The following DIAPH1 variants were observed in gnomAD, a reference collection of about 807,000 sequenced individuals.
The protein encoded by DIAPH1 is protein diaphanous homolog 1.
DIAPH1 carries 46 observed loss-of-function variants against 140.7 expected under a neutral mutation model. The ratio of observed to expected loss-of-function variants is 0.33; its 90% CI spans 0.26 to 0.42. The LOEUF (loss-of-function observed/expected upper bound fraction) is 0.42. DIAPH1 is among the 10% of genes least tolerant of loss of function. The pLI, the probability that DIAPH1 is intolerant of heterozygous loss-of-function variation, is 1.00. For missense variants in DIAPH1, 1,310 were observed against 1,558.7 expected, an observed-to-expected ratio of 0.84 and a Z score of 2.69; for synonymous variants, 565 against 551.6, an observed-to-expected ratio of 1.02 and a Z score of -0.34.
intron 23 of DIAPH1, 101 bp from the exon 24 acceptor site, chr5:141,527,798 C>T (rs1019052107): frequency 1.5e-6 from 2 of 1,371,624 alleles, no homozygotes; most frequent in African/African-American, 1.5e-5. Flanking sequence ...CAGAGCATAG[C>T]TTCAGTCTAT....
chr5:141,534,463 TTAAAAG>T (rs772538605), intron 18 of DIAPH1, 30 bp from the exon 19 acceptor site: 1 of 1,593,034 alleles, frequency 6.3e-7, no homozygotes, highest in Non-Finnish European at 8.6e-7. Context: ...AAAAGCATGA[TTAAAAG>T]TAAGCCACCT....
chr5:141,524,937 C>T (rs565711384), intron 26 of DIAPH1, among the ~76,000 whole-genome samples: 1 of 152,224 alleles, frequency 6.6e-6, no homozygotes, highest in African/African-American at 2.4e-5. Context: ...GACCTACATT[C>T]CACCCTCATT....
intron 2 of DIAPH1, among the ~76,000 whole-genome samples, chr5:141,587,926 T>C (rs2099897786): frequency 2.0e-5 from 3 of 152,204 alleles, no homozygotes; most frequent in Admixed American, 1.3e-4. Flanking sequence ...TCTCCTTGTT[T>C]GAAAATAACA....
At chr5:141,580,619 G>A in intron 8 of DIAPH1, 125 bp downstream of exon 8, 1 of 958,630 alleles carries the variant, frequency 1.0e-6, no homozygotes, top group East Asian at 2.5e-5. Flanking sequence ...TTCACTTCTG[G>A]GAAGAAACAC....
chr5:141,592,195 T>C (rs953484605), intron 1 of DIAPH1, among the ~76,000 whole-genome samples: 10 of 152,030 alleles, frequency 6.6e-5, no homozygotes, highest in African/African-American at 1.5e-4. Context: ...CTGCATTTCC[T>C]GAGCTAGTCC....
At chr5:141,545,112 C>T (rs72790094) in intron 18 of DIAPH1, among the ~76,000 whole-genome samples, 5 of 152,076 alleles carry the variant, frequency 3.3e-5, no homozygotes, top group African/African-American at 9.7e-5. Flanking sequence ...GAAAAAGACA[C>T]AACTGTCAGA....
intron 1 of DIAPH1, among the ~76,000 whole-genome samples, chr5:141,602,273 G>A (rs1303349667): frequency 1.3e-5 from 2 of 152,102 alleles, no homozygotes; most frequent in Non-Finnish European, 2.9e-5. Context: ...CTGGAGTGCA[G>A]TGGCGCAATC....
At chr5:141,529,924 A>G (rs1232398351) in intron 19 of DIAPH1, among the ~76,000 whole-genome samples, 2 of 152,010 alleles carry the variant, frequency 1.3e-5, no homozygotes, top group Non-Finnish European at 2.9e-5. Context: ...TCTCCACAAA[A>G]AATACAAAAA....
At chr5:141,608,305 T>C (rs1264819160) in intron 1 of DIAPH1, among the ~76,000 whole-genome samples, 1 of 152,056 alleles carries the variant, frequency 6.6e-6, no homozygotes, top group Non-Finnish European at 1.5e-5. Flanking sequence ...CTCTGACTCT[T>C]AAAAAATAAA....
At chr5:141,561,728 A>T (rs758741803) in intron 18 of DIAPH1, 27 of 152,240 alleles carry the variant, frequency 1.8e-4, no homozygotes, top group Non-Finnish European at 1.8e-4. Flanking sequence ...AATTGTAATA[A>T]GGTGTACATA....
chr5:141,592,104 A>T (rs1458264695), intron 1 of DIAPH1, among the ~76,000 whole-genome samples: 2 of 151,546 alleles, frequency 1.3e-5, no homozygotes, highest in African/African-American at 4.8e-5. Flanking sequence ...AAAGAAAGAA[A>T]GAAAATTTAA....
chr5:141,521,310 A>G (rs2099886506), intron 27 of DIAPH1, among the ~76,000 whole-genome samples: 1 of 152,186 alleles, frequency 6.6e-6, no homozygotes, highest in Admixed American at 6.5e-5. Flanking sequence ...TGACTTGTAT[A>G]CAAGAGGCCA....
intron 3 of DIAPH1, among the ~76,000 whole-genome samples, chr5:141,586,136 C>G (rs2099897507): frequency 6.6e-6 from 1 of 152,164 alleles, no homozygotes; most frequent in African/African-American, 2.4e-5. Flanking sequence ...TCTATCTAGC[C>G]TGCTTACCTT....
intron 18 of DIAPH1, among the ~76,000 whole-genome samples, chr5:141,552,515 T>C (rs1400210717): frequency 6.6e-6 from 1 of 152,084 alleles, no homozygotes; most frequent in Non-Finnish European, 1.5e-5. Flanking sequence ...GCATTAGACA[T>C]TGGAAAAGGA....
intron 24 of DIAPH1, 151 bp from the exon 25 acceptor site, chr5:141,526,612 C>T (rs773570336): frequency 7.2e-6 from 6 of 830,264 alleles, no homozygotes; most frequent in Admixed American, 4.1e-5. Context: ...CATGTAGGTA[C>T]CCCTAAATAG....
intron 18 of DIAPH1, among the ~76,000 whole-genome samples, chr5:141,552,502 C>A (rs1596359456): frequency 6.6e-6 from 1 of 152,146 alleles, no homozygotes; most frequent in East Asian, 1.9e-4. Flanking sequence ...GGAATCTGGG[C>A]AGGCATTAGA....
chr5:141,527,842 T>G (rs2099887620), intron 23 of DIAPH1, 145 bp from the exon 24 acceptor site: 1 of 1,050,814 alleles, frequency 9.5e-7, no homozygotes, highest in African/African-American at 1.6e-5. Flanking sequence ...TTTTAGTTCC[T>G]TATGTACTTT....
At chr5:141,531,128 T>C (rs2099888155) in intron 19 of DIAPH1, among the ~76,000 whole-genome samples, 1 of 152,192 alleles carries the variant, frequency 6.6e-6, no homozygotes, top group African/African-American at 2.4e-5. Flanking sequence ...GAATATACTT[T>C]AAGTAAGACA....
At chr5:141,542,194 G>A (rs1455337712) in intron 18 of DIAPH1, among the ~76,000 whole-genome samples, 1 of 152,220 alleles carries the variant, frequency 6.6e-6, no homozygotes, top group African/African-American at 2.4e-5. Context: ...AGCAGTTTGG[G>A]AGGCCTTGGC....
Sources: allele counts gnomAD v4.1 joint callset (sites outside exome capture counted in the v4.1 genomes callset), GRCh38; gene constraint gnomAD v4.1.1; transcripts MANE v1.5; gene names NCBI Gene and HGNC (gene_info 2026-07-23, HGNC 2026-07-21).